MTRR: variants seen among roughly 807,000 people sequenced by gnomAD.
The protein encoded by MTRR is methionine synthase reductase.
In MTRR, 63 loss-of-function variants were observed where a neutral mutation model predicts 79.2. The ratio of observed to expected loss-of-function variants is 0.80; its 90% confidence interval spans 0.65 to 0.98. The LOEUF (loss-of-function observed/expected upper bound fraction) is 0.98, where lower values mean the gene tolerates loss of function less well. Among genes scored for constraint, MTRR ranks in the 50% least tolerant of loss-of-function variants. The pLI is 0.00. For synonymous variants in MTRR, 355 were observed against 313.3 expected, an observed-to-expected ratio of 1.13 and a Z score of -1.41; for missense variants, 895 against 839.6, an observed-to-expected ratio of 1.07 and a Z score of -0.82.
In MTRR at chr5:7,886,682, A is replaced by G. The variant is rs1425446891; in HGVS notation, c.1125A>G (p.Glu375=). Reference sequence around the variant, plus strand: ...AGTTCATTTTTACCTGGTGTCTTGAAATCCGAGCAATTCCTAAAAAGGTAT... The same window carrying G: ...AGTTCATTTTTACCTGGTGTCTTGAGATCCGAGCAATTCCTAAAAAGGTAT... The part of the protein sequence containing the change: ...SLQFIFTWCL[E]IRAIPKKAFL... The change falls in exon 8 of 15, where the codon GAA becomes GAG. Residue 375 remains glutamate (E), a synonymous_variant. Coordinates refer to ENST00000440940, the MANE Select transcript of MTRR (RefSeq NM_002454.3). 2.5e-6 allele frequency: 4 copies of G among 1,612,906 alleles called. No individual in the cohort carries two copies. In the South Asian group the frequency reaches 4.4e-5, roughly 18 times the overall value.
At chr5:7,891,981 G>T (rs1737679971) in intron 10 of MTRR, among the ~76,000 whole-genome samples, 1 of 152,136 alleles carries the variant, frequency 6.6e-6, no homozygotes, top group Admixed American at 6.5e-5. Context: ...GGCGGAGCTT[G>T]CAGTGAGCCA....
At chr5:7,889,894 G>T (rs963337843) in intron 9 of MTRR, among the ~76,000 whole-genome samples, 2 of 151,830 alleles carry the variant, frequency 1.3e-5, no homozygotes, top group African/African-American at 2.4e-5. Flanking sequence ...CCATTTTTTT[G>T]CCCAGAGTGA....
At chr5:7,870,654 A>G (rs1191761674) in intron 1 of MTRR, 116 bp from the exon 2 acceptor site, 1 of 1,132,726 alleles carries the variant, frequency 8.8e-7, no homozygotes, top group South Asian at 1.3e-5. Context: ...AGAAAAGGCC[A>G]TTTCATATTA....
chr5:7,877,762 C>T (rs773252784), intron 4 of MTRR, among the ~76,000 whole-genome samples, 182 bp from the exon 5 acceptor site: 15 of 151,992 alleles, frequency 9.9e-5, no homozygotes, highest in Non-Finnish European at 2.1e-4. Flanking sequence ...TGCTAATGAA[C>T]ACATAATATA....
intron 5 of MTRR, among the ~76,000 whole-genome samples, chr5:7,882,093 A>G (rs570257359): frequency 9.8e-5 from 15 of 152,308 alleles, no homozygotes; most frequent in Non-Finnish European, 1.6e-4. Flanking sequence ...TCCTCTTGAC[A>G]GCATCATCTT....
chr5:7,855,796 G>A (rs971819431), intron 1 of MTRR, among the ~76,000 whole-genome samples: 1 of 152,222 alleles, frequency 6.6e-6, no homozygotes, highest in Non-Finnish European at 1.5e-5. Context: ...CACACTGTGA[G>A]CACTCTGTAT....
rs6886291 is a variant in MTRR at position 7,871,546 on chromosome 5, G to A, written c.129+623G>A. On this transcript the variant is annotated intron_variant, in intron 2 of 14. Coordinates refer to ENST00000440940, the MANE Select transcript of MTRR (RefSeq NM_002454.3). ...ACAATTCAGGCGATAACAGTTGGCA[G>A]GGGCTTTATACCACAAGATGATTTG... 5.6e-3 allele frequency among the ~76,000 whole-genome samples: 846 copies of A among 152,248 alleles called. 14 individuals are homozygous for A. The highest frequency in any genetic ancestry group is 0.019 in the African/African-American group (806 of 41,532).
chr5:7,897,713 T>C (rs1738774487), intron 14 of MTRR, among the ~76,000 whole-genome samples: 1 of 152,246 alleles, frequency 6.6e-6, no homozygotes, highest in African/African-American at 2.4e-5. Flanking sequence ...TGAAACGTTC[T>C]GTGTTACTGA....
At chr5:7,869,018 C>A, upstream of MTRR, 1 of 1,256,470 alleles carries the variant, frequency 8.0e-7, no homozygotes, top group Non-Finnish European at 1.2e-6. Context: ...GTCGCGGAAG[C>A]GCCTGGGCGT....
At chr5:7,854,335 A>G (rs1317360718) in intron 1 of MTRR, among the ~76,000 whole-genome samples, 1 of 151,584 alleles carries the variant, frequency 6.6e-6, no homozygotes, top group East Asian at 1.9e-4. Flanking sequence ...GGATGTATAT[A>G]TATATCTATG....
intron 2 of MTRR, among the ~76,000 whole-genome samples, chr5:7,871,302 G>T (rs147825851): frequency 2.0e-5 from 3 of 152,262 alleles, no homozygotes; most frequent in South Asian, 2.1e-4. Context: ...AGGCCTTGCC[G>T]TGCGTGTTAG....
Position 7,878,148 on chromosome 5 carries a change from G to A in MTRR, c.606G>A (p.Lys202=), listed in dbSNP as rs368030155. 4 of 1,614,124 alleles carry A rather than the reference G, an allele frequency of 2.5e-6. No individual in the cohort carries two copies. The highest frequency in any genetic ancestry group is 2.2e-5 in the East Asian group (1 of 44,866). ...TGAGATTCGATGATTCAGGAAGAAA[G>A]GATTCTGAGGTTTTGAAGCAAAATG... ...ELLRFDDSGR[K]DSEVLKQNAV... The change falls in exon 5 of 15, where the codon AAG becomes AAA. Residue 202 remains lysine (K), a synonymous_variant. Transcript: ENST00000440940.
At chr5:7,867,065 G>T, upstream of MTRR, 1 of 1,614,050 alleles carries the variant, frequency 6.2e-7, no homozygotes, top group Non-Finnish European at 8.5e-7. Flanking sequence ...ATATATGAAC[G>T]CCTCCAAGAC....
chr5:7,861,605 C>T, intron 1 of MTRR: 2 of 1,602,798 alleles, frequency 1.2e-6, no homozygotes, highest in East Asian at 2.2e-5. Context: ...TCTTCATTAG[C>T]TGTGGATGGC....
upstream of MTRR, chr5:7,850,906 T>C: frequency 7.4e-7 from 1 of 1,360,506 alleles, no homozygotes; most frequent in East Asian, 2.8e-5. Context: ...GCTGTGCTCT[T>C]TGGGGTCCAG....
At chr5:7,896,987 C>G in intron 13 of MTRR, 31 bp downstream of exon 13, 1 of 1,607,852 alleles carries the variant, frequency 6.2e-7, no homozygotes, top group Non-Finnish European at 8.5e-7. Context: ...TGTACTCAAC[C>G]ACTGAGTGTA....
At chr5:7,890,012 T>C (rs1439863898) in intron 9 of MTRR, among the ~76,000 whole-genome samples, 1 of 152,178 alleles carries the variant, frequency 6.6e-6, no homozygotes, top group East Asian at 1.9e-4. Flanking sequence ...AAATGCTTGC[T>C]AGGGGTGAAG....
chr5:7,861,511 T>G, intron 1 of MTRR: 2 of 1,117,960 alleles, frequency 1.8e-6, no homozygotes, highest in Non-Finnish European at 2.4e-6. Context: ...TTCACCTTCT[T>G]GAGAAAAAGA....
chr5:7,887,084 T>A (rs941927422), intron 8 of MTRR, among the ~76,000 whole-genome samples: 1 of 152,174 alleles, frequency 6.6e-6, no homozygotes, highest in African/African-American at 2.4e-5. Flanking sequence ...CTTTAATTGG[T>A]GACAGAAAGC....
Sources: allele counts gnomAD v4.1 joint callset (sites outside exome capture counted in the v4.1 genomes callset), GRCh38; gene constraint gnomAD v4.1.1; transcripts MANE v1.5; gene names NCBI Gene and HGNC (gene_info 2026-07-23, HGNC 2026-07-21).